SORL1: variants seen among roughly 807,000 people sequenced by gnomAD.
SORL1 encodes the protein sortilin-related receptor.
Under a neutral mutation model 273.7 loss-of-function variants are expected in SORL1, and 127 were observed. The observed-to-expected ratio is 0.46, with a 90% confidence interval of 0.40 to 0.54. The LOEUF (loss-of-function observed/expected upper bound fraction) is 0.54. SORL1 is among the 20% of genes least tolerant of loss of function. SORL1 has a pLI of 0.00. For missense variants in SORL1, 2,494 were observed against 2,846.1 expected, an observed-to-expected ratio of 0.88 and a Z score of 2.81; for synonymous variants, 1,031 against 1,067.4, an observed-to-expected ratio of 0.97 and a Z score of 0.66.
At chr11:121,532,652 A>G in intron 12 of SORL1, 100 bp downstream of exon 12, 1 of 995,216 alleles carries the variant, frequency 1.0e-6, no homozygotes, top group South Asian at 1.5e-5. Context: ...TATGTTGTTG[A>G]CAGCACAATT....
intron 28 of SORL1, 54 bp downstream of exon 28, chr11:121,588,205 G>A: frequency 6.2e-7 from 1 of 1,602,022 alleles, no homozygotes; most frequent in Non-Finnish European, 8.5e-7. Flanking sequence ...AACTTGCATG[G>A]GGGTTTGGCC....
intron 18 of SORL1, 100 bp from the exon 19 acceptor site, chr11:121,557,214 G>A: frequency 1.2e-6 from 1 of 853,494 alleles, no homozygotes; most frequent in Non-Finnish European, 2.0e-6. Flanking sequence ...AGGCATGGAG[G>A]GGGCATGTCT....
chr11:121,605,620 G>A (rs569908343), intron 35 of SORL1, 49 bp downstream of exon 35: 1 of 1,453,670 alleles, frequency 6.9e-7, no homozygotes, highest in East Asian at 2.3e-5. Flanking sequence ...CTCAGGTCGG[G>A]GTTTGTGAGG....
At chr11:121,466,721 T>TG (rs1861087710) in intron 1 of SORL1, among the ~76,000 whole-genome samples, 1 of 152,106 alleles carries the variant, frequency 6.6e-6, no homozygotes, top group African/African-American at 2.4e-5. Context: ...TGTGGGGGGA[T>TG]GGGCACCCGG....
intron 8 of SORL1, among the ~76,000 whole-genome samples, chr11:121,516,708 C>T (rs1861958833): frequency 6.6e-6 from 1 of 152,148 alleles, no homozygotes; most frequent in South Asian, 2.1e-4. Flanking sequence ...CTGGTTTGGT[C>T]AGTGGCGGAC....
intron 12 of SORL1, among the ~76,000 whole-genome samples, chr11:121,538,579 T>C (rs1342751681): frequency 5.3e-5 from 8 of 152,234 alleles, no homozygotes; most frequent in Admixed American, 4.6e-4. Flanking sequence ...ACAGGACGGA[T>C]GTTCCCCGTC....
In SORL1 at chr11:121,478,192, G is replaced by A; in HGVS notation, c.477G>A (p.Arg159=). The A allele has an allele frequency of 1.2e-6, 2 of 1,614,180 alleles. No individual in the cohort carries two copies. Among genetic ancestry groups the A allele is most frequent in the Non-Finnish European group, 1.7e-6 (2 of 1,180,036 alleles). Residue 159 remains arginine, a synonymous_variant, in exon 3 of 48, where the codon AGG becomes AGA. Transcript: ENST00000260197. ...SDKLNFGLGN[R]SEAVIAQFYH... Reference sequence around the variant, plus strand: ...AGTTAAACTTTGGCTTGGGAAATAGGAGTGAAGCTGTTATCGCCCAGTTCT... The same window carrying A: ...AGTTAAACTTTGGCTTGGGAAATAGAAGTGAAGCTGTTATCGCCCAGTTCT...
intron 3 of SORL1, among the ~76,000 whole-genome samples, chr11:121,481,453 G>T (rs1271128591): frequency 8.7e-6 from 1 of 115,478 alleles, no homozygotes; most frequent in Non-Finnish European, 1.8e-5. Context: ...CTATAGGCAG[G>T]CTTCATCTCC....
chr11:121,487,072 C>G (rs915032515), intron 3 of SORL1, among the ~76,000 whole-genome samples: 4 of 152,232 alleles, frequency 2.6e-5, no homozygotes, highest in Admixed American at 2.0e-4. Context: ...GTCTCACCTG[C>G]CCTGCGAGGC....
At chr11:121,589,170 C>T in intron 28 of SORL1, 89 bp from the exon 29 acceptor site, 2 of 1,456,294 alleles carry the variant, frequency 1.4e-6, no homozygotes, top group Non-Finnish European at 1.9e-6. Flanking sequence ...GAACTCACTG[C>T]TGTTCCCCCT....
intron 11 of SORL1, among the ~76,000 whole-genome samples, chr11:121,527,004 A>G (rs568441711): frequency 1.0e-3 from 150 of 144,530 alleles, no homozygotes; most frequent in African/African-American, 3.8e-3. Flanking sequence ...CTCCCTTCTG[A>G]TTTCTTTCAT....
chr11:121,531,459 T>C (rs568569371), intron 11 of SORL1, among the ~76,000 whole-genome samples: 22 of 152,336 alleles, frequency 1.4e-4, no homozygotes, highest in Non-Finnish European at 2.9e-4. Flanking sequence ...CTTTTGACTA[T>C]CTTTTCCTTT....
chr11:121,564,761 G>A (rs9665907), intron 21 of SORL1, among the ~76,000 whole-genome samples: 30,174 of 151,456 alleles, frequency 0.2, 4,018 homozygotes, highest in African/African-American at 0.38. Flanking sequence ...TTTTGTGGAG[G>A]CGGTCTTCAC....
At chr11:121,618,445 C>A (rs571976498) in intron 41 of SORL1, among the ~76,000 whole-genome samples, 3 of 152,264 alleles carry the variant, frequency 2.0e-5, no homozygotes, top group African/African-American at 7.2e-5. Flanking sequence ...CGTTCCCTGG[C>A]TCATCATGTG....
intron 25 of SORL1, among the ~76,000 whole-genome samples, chr11:121,582,872 G>A (rs1208052028): frequency 3.3e-5 from 5 of 152,000 alleles, no homozygotes; most frequent in Non-Finnish European, 7.4e-5. Flanking sequence ...TTAAAGAATT[G>A]TAATGTATGG....
chr11:121,470,765 C>T (rs1036845712), intron 2 of SORL1, among the ~76,000 whole-genome samples: 1 of 152,144 alleles, frequency 6.6e-6, no homozygotes, highest in Non-Finnish European at 1.5e-5. Flanking sequence ...ACCTCCGCCT[C>T]CTGGGCTCAA....
chr11:121,587,947 C>T (rs1420976394), intron 27 of SORL1, 73 bp from the exon 28 acceptor site: 3 of 1,581,954 alleles, frequency 1.9e-6, no homozygotes, highest in Admixed American at 3.4e-5. Flanking sequence ...TACTCGTGTG[C>T]ACTTGCCCAG....
At position 121,611,504 on chromosome 11, in the gene SORL1, T is replaced by A. The variant is rs184317220; in HGVS notation, c.5322+346T>A. 226 of 170,118 alleles carry A rather than the reference T, an allele frequency of 1.3e-3. No individual in the cohort carries two copies. The Middle Eastern group carries it at 0.017, about 13-fold the overall frequency. 10.5% of individuals were successfully genotyped at this position (170,118 alleles called of 1,614,324 possible). On this transcript the variant is annotated intron_variant, in intron 39 of 47. Coordinates refer to ENST00000260197, the MANE Select transcript of SORL1 (RefSeq NM_003105.6). ...TGGATTTCCTGGTGCTAAGCGCTAA[T>A]GCTGAGGCGCTCACAGTGGAAGAAC...
chr11:121,592,239 A>G (rs1224435861), intron 31 of SORL1, among the ~76,000 whole-genome samples: 1 of 152,226 alleles, frequency 6.6e-6, no homozygotes, highest in Non-Finnish European at 1.5e-5. Context: ...CCCACCATCC[A>G]TCAGTGCAAA....
Sources: gnomAD v4.1 joint callset for allele counts (sites outside exome capture counted in the v4.1 genomes callset) on GRCh38, gnomAD v4.1.1 for gene constraint, MANE v1.5 for transcripts, NCBI Gene and HGNC (gene_info 2026-07-23, HGNC 2026-07-21) for gene names.